Variants in STK38 observed in about 807,000 individuals in gnomAD.
STK38 encodes the protein serine/threonine kinase 38.
A neutral mutation model predicts 59.0 loss-of-function variants in STK38; 26 were observed. The observed-to-expected ratio is 0.44, with a 90% confidence interval of 0.32 to 0.61. The LOEUF is 0.61. STK38 is among the 20% of genes least tolerant of loss of function. STK38 has a pLI of 0.04. For synonymous variants in STK38, 175 were observed against 176.6 expected (o/e 0.99, Z 0.07); for missense variants, 433 against 566.0 (o/e 0.76, Z 2.38).
At chr6:36,541,730 T>C (rs1777941999) in intron 1 of STK38, among the ~76,000 whole-genome samples, 2 of 151,996 alleles carry the variant, frequency 1.3e-5, no homozygotes, top group Admixed American at 1.3e-4. Flanking sequence ...TGCACATAAT[T>C]ATTAGAAACA....
chr6:36,523,265 G>GT (rs1214353764), intron 4 of STK38, among the ~76,000 whole-genome samples: 2,166 of 113,594 alleles, frequency 0.019, 20 homozygotes, highest in Middle Eastern at 0.071. Flanking sequence ...CAGGTTTTTT[G>GT]TTTTTTTTTT....
intron 9 of STK38, among the ~76,000 whole-genome samples, chr6:36,503,864 C>G (rs1304479522): frequency 1.3e-5 from 2 of 152,210 alleles, no homozygotes; most frequent in South Asian, 2.1e-4. Flanking sequence ...ACACTTTTTA[C>G]CACACCATCT....
intron 7 of STK38, among the ~76,000 whole-genome samples, chr6:36,509,918 G>C (rs572939333): frequency 7.9e-5 from 12 of 152,342 alleles, no homozygotes; most frequent in Admixed American, 5.9e-4. Flanking sequence ...CCATCTGCCA[G>C]AGTGTGAGTC....
At chr6:36,540,687 G>C (rs1777913522) in intron 1 of STK38, among the ~76,000 whole-genome samples, 1 of 151,288 alleles carries the variant, frequency 6.6e-6, no homozygotes, top group Non-Finnish European at 1.5e-5. Context: ...AGTGCGACAG[G>C]ATGATCTTGG....
intron 2 of STK38, among the ~76,000 whole-genome samples, chr6:36,533,159 T>G (rs1171692094): frequency 6.6e-6 from 1 of 152,176 alleles, no homozygotes; most frequent in African/African-American, 2.4e-5. Context: ...TTGTTGTTTT[T>G]CTTAAAGAGA....
At chr6:36,523,650 C>T (rs55829962) in intron 4 of STK38, among the ~76,000 whole-genome samples, 36,070 of 152,088 alleles carry the variant, frequency 0.24, 4,506 homozygotes, top group East Asian at 0.39. Flanking sequence ...TTTTCATTAA[C>T]AGGAATGACC....
chr6:36,536,825 C>T lies in STK38; in HGVS notation c.131+3247G>A, dbSNP rs573144577. Among the ~76,000 whole-genome samples the T allele has an allele frequency of 7.9e-5, 12 of 151,772 alleles. No homozygotes were observed. In the East Asian group the frequency reaches 1.6e-3, roughly 20 times the overall value. The stretch of plus-strand genomic sequence containing the variant: ...TGCTGGGATTACAGGTGTGAGCCAC[C>T]GCACCTGGCCCAAATTAGTTAATTT... On this transcript the variant is annotated intron_variant, in intron 2 of 13. Coordinates refer to ENST00000229812, the MANE Select transcript of STK38 (RefSeq NM_007271.4).
rs114127678 is a variant in STK38, at chr6:36,534,435, G to A, written c.131+5637C>T. On this transcript the variant is annotated intron_variant, in intron 2 of 13. Coordinates refer to ENST00000229812, the MANE Select transcript of STK38 (RefSeq NM_007271.4). ...AGGCTGAAGCAGGAGGACTGCCTGA[G>A]GCCAAGAGTTCAAGATAAGCCTAGT... 5.8e-3 allele frequency among the ~76,000 whole-genome samples: 877 copies of A among 152,194 alleles called. 8 individuals are homozygous for A. The highest frequency in any genetic ancestry group is 0.02 in the African/African-American group (832 of 41,528).
rs1776714113 is a variant in STK38, at chr6:36,496,757, G to C, written c.1221C>G (p.Thr407=). 6.2e-7 allele frequency: 1 copy of C among 1,613,592 alleles called. No individual in the cohort carries two copies. The highest frequency in any genetic ancestry group is 8.5e-7 in the Non-Finnish European group (1 of 1,179,850). ...ISIEIKSIDD[T]SNFDEFPESD... is the part of the protein sequence containing the mutation. ...ATTCTGGAAACTCATCGAAGTTTGAGGTATCATCAATGCTTTTGATTTCAA... is the reference window on the plus strand; with the variant it reads ...ATTCTGGAAACTCATCGAAGTTTGACGTATCATCAATGCTTTTGATTTCAA... The change falls in exon 13 of 14, where the codon ACC becomes ACG. Residue 407 remains threonine, a synonymous_variant. Transcript: ENST00000229812.
At chr6:36,506,542 A>G (rs1776966074) in intron 9 of STK38, 41 bp downstream of exon 9, 1 of 1,587,204 alleles carries the variant, frequency 6.3e-7, no homozygotes, top group East Asian at 2.2e-5. Context: ...ACTTATTCAT[A>G]CTTGGTTTGT....
intron 13 of STK38, among the ~76,000 whole-genome samples, chr6:36,496,141 TCAAA>T (rs1305544740): frequency 6.6e-6 from 1 of 151,646 alleles, no homozygotes; most frequent in Admixed American, 6.6e-5. Flanking sequence ...CCTCCCGGGT[TCAAA>T]CAATCCTTCT....
At position 36,499,991 on chromosome 6, in the gene STK38, C is replaced by T; in HGVS notation, c.835-1G>A. On this transcript the variant is annotated splice_acceptor_variant, in intron 9 of 13. Coordinates refer to ENST00000229812, the MANE Select transcript of STK38 (RefSeq NM_007271.4). LOFTEE classifies it high-confidence loss of function. ...CAGGAGTGCCTACTGTGGAGAAGGCCTGAAACATGGACCACACATCAGCGA... is the reference window on the plus strand; with the variant it reads ...CAGGAGTGCCTACTGTGGAGAAGGCTTGAAACATGGACCACACATCAGCGA... 2 of 1,611,770 alleles carry T rather than the reference C, an allele frequency of 1.2e-6. No homozygotes were observed. The highest frequency in any genetic ancestry group is 1.7e-6 in the Non-Finnish European group (2 of 1,178,016).
At chr6:36,546,346 A>G (rs1210096168) in intron 1 of STK38, among the ~76,000 whole-genome samples, 1 of 152,168 alleles carries the variant, frequency 6.6e-6, no homozygotes, top group African/African-American at 2.4e-5. Context: ...GGAAGCTGGT[A>G]TCTAACGTTT....
chr6:36,502,764 T>A (rs950074524), intron 9 of STK38, among the ~76,000 whole-genome samples: 1 of 152,240 alleles, frequency 6.6e-6, no homozygotes, highest in Non-Finnish European at 1.5e-5. Flanking sequence ...CTATGCTGAA[T>A]TTCGTGTTTT....
intron 2 of STK38, among the ~76,000 whole-genome samples, chr6:36,536,779 G>A (rs1032543289): frequency 4.6e-5 from 7 of 151,736 alleles, no homozygotes; most frequent in Admixed American, 2.6e-4. Context: ...CAGGTGATCC[G>A]CCCACCTCGG....
At chr6:36,538,639 G>A (rs1490139519) in intron 2 of STK38, among the ~76,000 whole-genome samples, 1 of 152,158 alleles carries the variant, frequency 6.6e-6, no homozygotes, top group Non-Finnish European at 1.5e-5. Flanking sequence ...CGGGCACAGT[G>A]GCTCACGCCT....
At chr6:36,531,938 AG>A (rs2127486384) in intron 2 of STK38, among the ~76,000 whole-genome samples, 1 of 152,320 alleles carries the variant, frequency 6.6e-6, no homozygotes, top group East Asian at 1.9e-4. Flanking sequence ...TAGCAATGCT[AG>A]GAATAACAGA....
At chr6:36,529,534 G>C (rs931274501) in intron 2 of STK38, among the ~76,000 whole-genome samples, 2 of 152,148 alleles carry the variant, frequency 1.3e-5, no homozygotes, top group African/African-American at 4.8e-5. Flanking sequence ...CCCTAGGAGA[G>C]AGACGAAGCC....
Position 36,500,049 on chromosome 6 carries a change from G to C in STK38, c.835-59C>G, listed in dbSNP as rs574857391. 1.6e-5 allele frequency: 22 copies of C among 1,345,584 alleles called. No homozygotes were observed. The African/African-American group carries it at 2.9e-4, about 18-fold the overall frequency. The allele number at this position is 1,345,584 out of a possible 1,614,324, so 83.4% of individuals were successfully genotyped here. On this transcript the variant is annotated intron_variant, in intron 9 of 13. Transcript: ENST00000229812. ...CCAGGCAGGAGGTGCCCAGAGTTCT[G>C]TTCTAGAAACCAAAGGCTATGAGTA... is the stretch of plus-strand genomic sequence containing the variant.
Sources: gnomAD v4.1 joint callset for allele counts (sites outside exome capture counted in the v4.1 genomes callset) on GRCh38, gnomAD v4.1.1 for gene constraint, MANE v1.5 for transcripts, NCBI Gene and HGNC (gene_info 2026-07-23, HGNC 2026-07-21) for gene names.